Variants in TMEM154 observed in about 807,000 individuals in gnomAD.
The protein encoded by TMEM154 is transmembrane protein 154.
A neutral mutation model predicts 24.5 loss-of-function variants in TMEM154; 27 were observed. The observed-to-expected ratio is 1.10, with a 90% confidence interval of 0.81 to 1.52. TMEM154 has a LOEUF of 1.52. Among genes scored for constraint, TMEM154 ranks in the 40% most tolerant of loss-of-function variants. TMEM154 has a pLI of 0.00. For synonymous variants in TMEM154, 67 were observed against 76.8 expected (o/e 0.87, Z 0.67); for missense variants, 228 against 213.4 (o/e 1.07, Z -0.43).
At chr4:152,655,153 T>C (rs1015312776) in intron 1 of TMEM154, among the ~76,000 whole-genome samples, 1 of 152,196 alleles carries the variant, frequency 6.6e-6, no homozygotes, top group African/African-American at 2.4e-5. Context: ...ACATTTTGAA[T>C]TGATCATTTA....
intron 1 of TMEM154, among the ~76,000 whole-genome samples, chr4:152,665,101 C>T (rs1377753807): frequency 1.3e-5 from 2 of 152,212 alleles, no homozygotes; most frequent in Non-Finnish European, 2.9e-5. Flanking sequence ...GAGGGTGCAG[C>T]TTCTAGGGAG....
At chr4:152,667,191 G>T (rs995844356) in intron 1 of TMEM154, among the ~76,000 whole-genome samples, 4 of 152,172 alleles carry the variant, frequency 2.6e-5, no homozygotes, top group African/African-American at 9.7e-5. Flanking sequence ...TGGGCCTGTG[G>T]TGAAATTGCC....
chr4:152,663,190 C>A (rs1010609935), intron 1 of TMEM154, among the ~76,000 whole-genome samples: 2 of 152,204 alleles, frequency 1.3e-5, no homozygotes, highest in Non-Finnish European at 2.9e-5. Context: ...TCATCCATCA[C>A]CTGTTCTCTT....
chr4:152,632,666 T>C (rs1752069581), intron 6 of TMEM154, among the ~76,000 whole-genome samples: 1 of 152,238 alleles, frequency 6.6e-6, no homozygotes, highest in Non-Finnish European at 1.5e-5. Flanking sequence ...CTGCATTTTT[T>C]CAGTTAAGTT....
chr4:152,663,723 C>T (rs901664646), intron 1 of TMEM154, among the ~76,000 whole-genome samples: 1 of 152,250 alleles, frequency 6.6e-6, no homozygotes, highest in African/African-American at 2.4e-5. Flanking sequence ...AGTGGTCAGT[C>T]ATGTGAATGA....
At position 152,652,813 on chromosome 4, in the gene TMEM154, G is replaced by T; in HGVS notation, c.179C>A (p.Ala60Glu). 6.2e-7 allele frequency: 1 copy of T among 1,614,028 alleles called. No homozygotes were observed. The highest frequency in any genetic ancestry group is 1.1e-5 in the South Asian group (1 of 91,074). The change falls in exon 2 of 7, where the codon GCA becomes GAA. Residue 60 changes from alanine to glutamate, a missense_variant. By Grantham distance (107) the Ala-to-Glu change is moderately radical. Transcript: ENST00000304385. ...AAVTIKETLN[A>E]NINSTNFAPD... ...AGCAAAGTTGGTAGAATTTATATTT[G>T]CATTTAATGTTTCTTTGATGGTCAC...
chr4:152,646,032 G>A (rs2149782038), intron 3 of TMEM154, among the ~76,000 whole-genome samples: 1 of 150,752 alleles, frequency 6.6e-6, no homozygotes, highest in South Asian at 2.1e-4. Context: ...TTTCCTTAAG[G>A]AATTTTAATA....
rs1484705338 is a variant in TMEM154, at chr4:152,626,664, C to A, written c.*1882G>T. 1 of 151,966 alleles carries A rather than the reference C, an allele frequency of 6.6e-6. No individual in the cohort carries two copies. The highest frequency in any genetic ancestry group is 2.4e-5 in the African/African-American group (1 of 41,354). 9.4% of individuals were successfully genotyped at this position (151,966 alleles called of 1,614,324 possible). On this transcript the variant is annotated 3_prime_UTR_variant, in exon 7 of 7. Coordinates refer to ENST00000304385, the MANE Select transcript of TMEM154 (RefSeq NM_152680.3). ...CTTCATCAACATGAAGTTCCAGGAC[C>A]CCAGATGCCTCTCTGAGAAGTTCAT... is the stretch of plus-strand genomic sequence containing the variant.
In TMEM154 at chr4:152,622,232, G is replaced by C. The variant is rs905182369; in HGVS notation, c.*6314C>G. The C allele has an allele frequency of 9.2e-5, 14 of 152,212 alleles. No homozygotes were observed. The highest frequency in any genetic ancestry group is 3.4e-4 in the African/African-American group (14 of 41,456). The allele number at this position is 152,212 out of a possible 1,614,324, so 9.4% of individuals were successfully genotyped here. ...CAAGAATGTGTAATAATATATTTTA[G>C]ATATGCAGAAAGTCTACTTAATTTT... On this transcript the variant is annotated 3_prime_UTR_variant, in exon 7 of 7. Coordinates refer to ENST00000304385, the MANE Select transcript of TMEM154 (RefSeq NM_152680.3).
At chr4:152,667,818 C>T (rs1159062897) in intron 1 of TMEM154, among the ~76,000 whole-genome samples, 1 of 152,202 alleles carries the variant, frequency 6.6e-6, no homozygotes, top group African/African-American at 2.4e-5. Flanking sequence ...AGAAAGGATT[C>T]TTTTTTCTGG....
intron 1 of TMEM154, among the ~76,000 whole-genome samples, chr4:152,664,086 C>T (rs1430612777): frequency 6.6e-6 from 1 of 152,152 alleles, no homozygotes; most frequent in East Asian, 1.9e-4. Context: ...CCAACACATA[C>T]GTGCACTGTT....
chr4:152,670,789 T>A (rs1424392818), intron 1 of TMEM154, among the ~76,000 whole-genome samples: 1 of 152,176 alleles, frequency 6.6e-6, no homozygotes, highest in South Asian at 2.1e-4. Flanking sequence ...ATTTGATAAA[T>A]TTCATGTTTA....
At chr4:152,666,903 T>A (rs1728732541) in intron 1 of TMEM154, 1 of 152,302 alleles carries the variant, frequency 6.6e-6, no homozygotes, top group Non-Finnish European at 1.5e-5. Context: ...AGACTATAGA[T>A]GGTGGTGATG....
intron 3 of TMEM154, chr4:152,647,246 T>C: frequency 1.0e-6 from 1 of 985,166 alleles, no homozygotes; most frequent in Non-Finnish European, 1.2e-6. Context: ...TGTGCAGGTG[T>C]CCATGCTCTC....
intron 6 of TMEM154, among the ~76,000 whole-genome samples, chr4:152,633,833 G>A (rs1752096209): frequency 6.6e-6 from 1 of 151,872 alleles, no homozygotes; most frequent in Non-Finnish European, 1.5e-5. Context: ...AATTAGCTGG[G>A]CATGGTGGCT....
intron 6 of TMEM154, among the ~76,000 whole-genome samples, chr4:152,637,714 T>A (rs2149779409): frequency 6.6e-6 from 1 of 152,310 alleles, no homozygotes; most frequent in South Asian, 2.1e-4. Flanking sequence ...CAAACAAGCA[T>A]TCAAATTAGG....
chr4:152,641,198 T>C, intron 5 of TMEM154: 1 of 510,712 alleles, frequency 2.0e-6, no homozygotes, highest in Non-Finnish European at 3.4e-6. Context: ...AACTTCAACA[T>C]GCCTCTGACA....
In TMEM154 at chr4:152,656,326, T is replaced by C. The variant is rs538993024; in HGVS notation, c.65-3399A>G. On this transcript the variant is annotated intron_variant, in intron 1 of 6. Transcript: ENST00000304385. ...CTGGACACACTAACACCAGTGCCAG[T>C]GTATACTGCCTTGGGATCCAAGGAC... Among the ~76,000 whole-genome samples the C allele has an allele frequency of 2.0e-5, 3 of 152,250 alleles. No homozygotes were observed. In the East Asian group the frequency reaches 5.8e-4, roughly 29 times the overall value.
In TMEM154 at chr4:152,627,067, A is replaced by C. The variant is rs1751934213; in HGVS notation, c.*1479T>G. 6.6e-6 allele frequency: 1 copy of C among 152,214 alleles called. No homozygotes were observed. The highest frequency in any genetic ancestry group is 1.5e-5 in the Non-Finnish European group (1 of 68,050). 9.4% of individuals were successfully genotyped at this position (152,214 alleles called of 1,614,324 possible). A position where few individuals can be genotyped will look rare whatever the true frequency, so the allele number is the denominator to read the frequency against. On this transcript the variant is annotated 3_prime_UTR_variant, in exon 7 of 7. Coordinates refer to ENST00000304385, the MANE Select transcript of TMEM154 (RefSeq NM_152680.3). ...CAGGATAGCGTGATAGCAGTGGTTA[A>C]ACACAACCAGCTAGTTATAGCTTTC...
Sources: gnomAD v4.1 joint callset for allele counts (sites outside exome capture counted in the v4.1 genomes callset) on GRCh38, gnomAD v4.1.1 for gene constraint, MANE v1.5 for transcripts, NCBI Gene and HGNC (gene_info 2026-07-23, HGNC 2026-07-21) for gene names.